Variants in TCF3 observed in about 807,000 individuals in gnomAD.
TCF3 encodes the protein transcription factor E2-alpha.
TCF3 carries 54 observed loss-of-function variants against 72.3 expected under a neutral mutation model. The ratio of observed to expected loss-of-function variants is 0.75; its 90% confidence interval spans 0.60 to 0.94. The LOEUF (loss-of-function observed/expected upper bound fraction) is 0.94, where lower values mean the gene tolerates loss of function less well. TCF3 is among the 40% of genes least tolerant of loss of function. The probability of loss-of-function intolerance (pLI) is 0.00; values close to 1 mark genes in which losing one functional copy is unlikely to be tolerated. For synonymous variants in TCF3, 525 were observed against 412.6 expected (o/e 1.27, Z -3.30); for missense variants, 1,078 against 934.4 (o/e 1.15, Z -2.00).
Position 1,622,093 on chromosome 19 carries a change from G to A in TCF3, c.783C>T (p.Ser261=). 1 of 1,606,382 alleles carries A rather than the reference G, an allele frequency of 6.2e-7. No homozygotes were observed. Among genetic ancestry groups the A allele is most frequent in the Non-Finnish European group, 8.5e-7 (1 of 1,177,956 alleles). ...PGSGPVGSSG[S]SSTFGGLHQH... ...GGTGCAGGCCACCAAACGTGCTGCT[G>A]CTTCCACTGCTGCCCACCGGGCCGC... The change falls in exon 10 of 19, where the codon AGC becomes AGT. Residue 261 remains serine (S), a synonymous_variant. Coordinates refer to ENST00000262965, the MANE Select transcript of TCF3 (RefSeq NM_003200.5).
intron 11 of TCF3, 69 bp from the exon 12 acceptor site, chr19:1,621,260 G>A: frequency 6.7e-6 from 10 of 1,492,932 alleles, no homozygotes; most frequent in Non-Finnish European, 8.1e-6. Flanking sequence ...AAGCTCTCCT[G>A]CGTTCTGCCG....
intron 3 of TCF3, among the ~76,000 whole-genome samples, chr19:1,633,710 T>C (rs1322332287): frequency 6.6e-6 from 1 of 152,130 alleles, no homozygotes; most frequent in Non-Finnish European, 1.5e-5. Context: ...TTGGCTGGGT[T>C]GGGGGCCAGG....
chr19:1,615,211 G>A lies in TCF3; in HGVS notation c.1822+74C>T. 6.7e-7 allele frequency: 1 copy of A among 1,497,022 alleles called. No individual in the cohort carries two copies. Among genetic ancestry groups the A allele is most frequent in the Non-Finnish European group, 8.9e-7 (1 of 1,125,008 alleles). The allele number at this position is 1,497,022 out of a possible 1,614,324, so 92.7% of individuals were successfully genotyped here. ...GGGCTGGCTCCAGGAAGGCGGGCGGGGAAGGAGAACGAGGGCAGGAACACG... is the reference window on the plus strand; with the variant it reads ...GGGCTGGCTCCAGGAAGGCGGGCGGAGAAGGAGAACGAGGGCAGGAACACG... On this transcript the variant is annotated intron_variant, in intron 18 of 18. Coordinates refer to ENST00000262965, the MANE Select transcript of TCF3 (RefSeq NM_003200.5). The surrounding 1 kb of genome is among the most constrained non-coding windows in gnomAD (Gnocchi z 7.3).
intron 11 of TCF3, 49 bp downstream of exon 11, chr19:1,621,789 G>C: frequency 6.6e-7 from 1 of 1,515,540 alleles, no homozygotes; most frequent in African/African-American, 1.4e-5. Context: ...GACCCTGCCT[G>C]GAGCCCAGTG....
intron 3 of TCF3, among the ~76,000 whole-genome samples, chr19:1,643,241 G>T (rs2065596339): frequency 6.6e-6 from 1 of 152,180 alleles, no homozygotes; most frequent in Non-Finnish European, 1.5e-5. Flanking sequence ...TCTGTTTTGA[G>T]ACAGGGTCTG....
At chr19:1,642,147 C>CACAA in intron 3 of TCF3, among the ~76,000 whole-genome samples, 1 of 150,768 alleles carries the variant, frequency 6.6e-6, no homozygotes, top group African/African-American at 2.4e-5. Context: ...CACACACACA[C>CACAA]ACACACACAC....
At chr19:1,620,468 G>A (rs1431416512) in intron 13 of TCF3, among the ~76,000 whole-genome samples, 1 of 152,204 alleles carries the variant, frequency 6.6e-6, no homozygotes, top group Admixed American at 6.5e-5. Context: ...AATACCCAGT[G>A]GGTGAGCAAA....
At chr19:1,624,488 C>T (rs1412365796) in intron 7 of TCF3, among the ~76,000 whole-genome samples, 2 of 152,204 alleles carry the variant, frequency 1.3e-5, no homozygotes, top group Non-Finnish European at 2.9e-5. Context: ...GGTTTTCTCC[C>T]GCGACGCGCA....
intron 3 of TCF3, among the ~76,000 whole-genome samples, chr19:1,643,132 C>T (rs913026090): frequency 4.6e-5 from 7 of 152,168 alleles, no homozygotes; most frequent in Non-Finnish European, 7.3e-5. Context: ...TGGGAGAAGG[C>T]GTACGAAAAT....
At chr19:1,631,981 G>C in intron 5 of TCF3, 57 bp downstream of exon 5, 1 of 1,587,312 alleles carries the variant, frequency 6.3e-7, no homozygotes. Context: ...ACCATGCCAA[G>C]GCCCACGTCT....
rs74807988 is a variant in TCF3, at chr19:1,640,395, T to C, written c.145+5960A>G. 4.8e-3 allele frequency among the ~76,000 whole-genome samples: 710 copies of C among 148,438 alleles called. 4 individuals are homozygous for C. Among genetic ancestry groups the C allele is most frequent in the African/African-American group, 0.016 (651 of 40,340 alleles). Reference sequence around the variant, plus strand: ...CTAAAAATACAAAAAATTAGCGCAATGGTTACTAAACTCTCTAAGTTTCAG... The same window carrying C: ...CTAAAAATACAAAAAATTAGCGCAACGGTTACTAAACTCTCTAAGTTTCAG... On this transcript the variant is annotated intron_variant, in intron 3 of 18. Transcript: ENST00000262965.
intron 6 of TCF3, 60 bp downstream of exon 6, chr19:1,627,299 G>C (rs2063004226): frequency 1.4e-6 from 2 of 1,437,192 alleles, no homozygotes; most frequent in African/African-American, 1.4e-5. Flanking sequence ...AGATCAGAGA[G>C]GGTGGGTGAC....
In TCF3 at chr19:1,617,403, G is replaced by T. The variant is rs1273728118; in HGVS notation, c.1451-1582C>A. ...AAAGAACACGCTAGTGGGACGCCGT[G>T]TTCATGAAGCTCAAGAACAATAATT... On this transcript the variant is annotated intron_variant, in intron 16 of 18. Coordinates refer to ENST00000262965, the MANE Select transcript of TCF3 (RefSeq NM_003200.5). Among the ~76,000 whole-genome samples, 6 of 152,250 alleles carry T rather than the reference G, an allele frequency of 3.9e-5. No individual in the cohort carries two copies. In the East Asian group the frequency reaches 1.2e-3, roughly 29 times the overall value.
At chr19:1,627,551 G>A in intron 5 of TCF3, 125 bp from the exon 6 acceptor site, 1 of 846,360 alleles carries the variant, frequency 1.2e-6, no homozygotes, top group Non-Finnish European at 1.9e-6. Flanking sequence ...CGCCACGGCA[G>A]GATGCTGGCA....
At chr19:1,649,892 A>C (rs2066734232) in intron 2 of TCF3, among the ~76,000 whole-genome samples, 1 of 152,236 alleles carries the variant, frequency 6.6e-6, no homozygotes, top group African/African-American at 2.4e-5. Context: ...TACCCAGCCA[A>C]GCTGGGGGCC....
In TCF3 at chr19:1,615,537, G is replaced by T; in HGVS notation, c.1587-17C>A. On this transcript the variant is annotated splice_polypyrimidine_tract_variant and intron_variant, in intron 17 of 18. Transcript: ENST00000262965. This position sits in a 1 kb window ranked among gnomAD's most constrained non-coding sequence, Gnocchi z 7.3. ...TCGTCTGGGCTATGGGGAGGGCGCCGGGAGGGGGCCAGAGGGAGACAGTGA... is the reference window on the plus strand; with the variant it reads ...TCGTCTGGGCTATGGGGAGGGCGCCTGGAGGGGGCCAGAGGGAGACAGTGA... The T allele has an allele frequency of 6.2e-7, 1 of 1,605,496 alleles. No individual in the cohort carries two copies. Among genetic ancestry groups the T allele is most frequent in the Non-Finnish European group, 8.5e-7 (1 of 1,179,774 alleles).
chr19:1,647,952 G>A (rs535978934), intron 2 of TCF3, among the ~76,000 whole-genome samples: 1 of 152,140 alleles, frequency 6.6e-6, no homozygotes, highest in Non-Finnish European at 1.5e-5. Flanking sequence ...TGGGGAGCTC[G>A]CTTCCAACAG....
At chr19:1,613,556 T>C (rs1358580465) in intron 18 of TCF3, among the ~76,000 whole-genome samples, 1 of 152,062 alleles carries the variant, frequency 6.6e-6, no homozygotes, top group African/African-American at 2.4e-5. Flanking sequence ...TGCGGGGTGA[T>C]GGACAGCTAG....
intron 3 of TCF3, 23 bp downstream of exon 3, chr19:1,646,332 C>G (rs766173327): frequency 3.9e-6 from 6 of 1,549,604 alleles, no homozygotes; most frequent in Non-Finnish European, 5.2e-6. Flanking sequence ...TCCACGAGCG[C>G]TGGCAGGAAG....
Sources: gnomAD v4.1 joint callset for allele counts (sites outside exome capture counted in the v4.1 genomes callset) on GRCh38, gnomAD v4.1.1 for gene constraint, Gnocchi (gnomAD v3.1) non-coding constraint, MANE v1.5 for transcripts, NCBI Gene and HGNC (gene_info 2026-07-23, HGNC 2026-07-21) for gene names.